CHRNA7: variants seen among roughly 807,000 people sequenced by gnomAD.
CHRNA7 encodes the protein cholinergic receptor nicotinic alpha 7 subunit.
A neutral mutation model predicts 48.0 loss-of-function variants in CHRNA7; 17 were observed. That is an observed-to-expected ratio of 0.35 (90% CI 0.24 to 0.53). The LOEUF (loss-of-function observed/expected upper bound fraction) is 0.53. CHRNA7 is among the 20% of genes least tolerant of loss of function. The pLI, the probability that CHRNA7 is intolerant of heterozygous loss-of-function variation, is 0.92. For synonymous variants in CHRNA7, 75 were observed against 242.3 expected, an observed-to-expected ratio of 0.31 and a Z score of 6.41; for missense variants, 155 against 577.7, an observed-to-expected ratio of 0.27 and a Z score of 7.50.
chr15:32,098,421 A>G (rs1235101144), intron 2 of CHRNA7, among the ~76,000 whole-genome samples: 1 of 152,076 alleles, frequency 6.6e-6, no homozygotes. Flanking sequence ...CTGCAGACCT[A>G]TTGCTGCCAG....
In CHRNA7 at chr15:32,030,887, C is replaced by T. The variant is rs201813039; in HGVS notation, c.56-11C>T. On this transcript the variant is annotated splice_polypyrimidine_tract_variant and intron_variant, in intron 1 of 9. Coordinates refer to ENST00000306901, the MANE Select transcript of CHRNA7 (RefSeq NM_000746.6). Reference sequence around the variant, plus strand: ...GCCCTGAGCCCCCTGCCCGGGTCTTCTCTCCTTAAGTGTCCCTGCAAGGCG... The same window carrying T: ...GCCCTGAGCCCCCTGCCCGGGTCTTTTCTCCTTAAGTGTCCCTGCAAGGCG... The T allele has an allele frequency of 1.1e-4, 177 of 1,613,016 alleles. No individual in the cohort carries two copies. In the Middle Eastern group the frequency reaches 1.5e-3, roughly 14 times the overall value.
At chr15:32,129,383 G>A (rs2051119425) in intron 4 of CHRNA7, among the ~76,000 whole-genome samples, 1 of 151,922 alleles carries the variant, frequency 6.6e-6, no homozygotes, top group African/African-American at 2.4e-5. Flanking sequence ...CATTCAGGAT[G>A]TGGAGATACC....
At chr15:32,047,467 CTGTT>C (rs1264902961) in intron 2 of CHRNA7, among the ~76,000 whole-genome samples, 3 of 152,058 alleles carry the variant, frequency 2.0e-5, no homozygotes, top group African/African-American at 4.8e-5. Flanking sequence ...ATTTGGCTCT[CTGTT>C]TGTCTGTTAT....
chr15:32,035,837 A>C (rs1902057265), intron 2 of CHRNA7, among the ~76,000 whole-genome samples: 1 of 152,216 alleles, frequency 6.6e-6, no homozygotes, highest in Non-Finnish European at 1.5e-5. Flanking sequence ...AGAAGAAGGT[A>C]CAGAGATTTC....
At chr15:32,132,680 GGAGA>G (rs1402989678) in intron 4 of CHRNA7, among the ~76,000 whole-genome samples, 1 of 152,066 alleles carries the variant, frequency 6.6e-6, no homozygotes, top group East Asian at 1.9e-4. Flanking sequence ...AGTGGGAGAG[GGAGA>G]GAGAGGGGCA....
intron 2 of CHRNA7, among the ~76,000 whole-genome samples, chr15:32,035,117 A>G (rs1376406427): frequency 6.6e-6 from 1 of 152,222 alleles, no homozygotes; most frequent in East Asian, 1.9e-4. Context: ...AATTATTCTT[A>G]TATGCACACA....
rs371137605 is a variant in CHRNA7 at position 32,139,849 on chromosome 15, A to G, written c.351-14058A>G. On this transcript the variant is annotated intron_variant, in intron 4 of 9. Transcript: ENST00000306901. Reference sequence around the variant, plus strand: ...TCTTTTGATCAGTATATTTTTAAAAAAGAAATTCAAAAAGGTAGGTTTACA... The same window carrying G: ...TCTTTTGATCAGTATATTTTTAAAAGAGAAATTCAAAAAGGTAGGTTTACA... Among the ~76,000 whole-genome samples the G allele has an allele frequency of 1.1e-3, 165 of 152,258 alleles. 3 individuals carry two copies. The South Asian group carries it at 0.033, about 30-fold the overall frequency.
At chr15:32,090,562 T>C (rs536047696) in intron 2 of CHRNA7, among the ~76,000 whole-genome samples, 18 of 152,306 alleles carry the variant, frequency 1.2e-4, no homozygotes, top group African/African-American at 4.3e-4. Context: ...GGCTGTGCCC[T>C]GAATTTCATG....
At chr15:32,114,061 C>CATATATATATATATATACAT (rs35944403) in intron 4 of CHRNA7, among the ~76,000 whole-genome samples, 4 of 120,206 alleles carry the variant, frequency 3.3e-5, no homozygotes, top group African/African-American at 9.8e-5. Flanking sequence ...TATATATATA[C>CATATATATATATATATACAT]ATATATATAT....
intron 2 of CHRNA7, among the ~76,000 whole-genome samples, chr15:32,068,262 T>C (rs1566816215): frequency 6.6e-6 from 1 of 152,102 alleles, no homozygotes; most frequent in Non-Finnish European, 1.5e-5. Flanking sequence ...CAGTGAACTG[T>C]GATTACACTG....
chr15:32,077,263 G>A (rs987449581), intron 2 of CHRNA7, among the ~76,000 whole-genome samples: 1 of 152,080 alleles, frequency 6.6e-6, no homozygotes, highest in Non-Finnish European at 1.5e-5. Flanking sequence ...AAACATCTGT[G>A]TATAGGTATT....
intron 2 of CHRNA7, among the ~76,000 whole-genome samples, chr15:32,068,529 A>G (rs913370904): frequency 3.9e-5 from 6 of 152,224 alleles, no homozygotes; most frequent in Non-Finnish European, 8.8e-5. Context: ...CTAGAGCTAC[A>G]GTGGCTATAC....
intron 2 of CHRNA7, among the ~76,000 whole-genome samples, chr15:32,047,057 G>A (rs2049563725): frequency 1.4e-5 from 2 of 142,974 alleles, no homozygotes; most frequent in Admixed American, 1.4e-4. Flanking sequence ...GTACCATGCT[G>A]TTTGGTTACT....
chr15:32,094,009 A>G (rs1252583036), intron 2 of CHRNA7, among the ~76,000 whole-genome samples: 1 of 152,150 alleles, frequency 6.6e-6, no homozygotes, highest in Non-Finnish European at 1.5e-5. Context: ...CTTTGGAGCA[A>G]CATCTCCAAT....
At chr15:32,080,093 G>C (rs1276130124) in intron 2 of CHRNA7, among the ~76,000 whole-genome samples, 2 of 152,166 alleles carry the variant, frequency 1.3e-5, no homozygotes, top group African/African-American at 4.8e-5. Context: ...GAACTGGCTA[G>C]CCATATGCAG....
intron 2 of CHRNA7, among the ~76,000 whole-genome samples, chr15:32,089,020 C>T (rs1595433580): frequency 6.6e-6 from 1 of 152,114 alleles, no homozygotes; most frequent in South Asian, 2.1e-4. Context: ...TATATTTAAT[C>T]CTGTCTTTTC....
chr15:32,056,316 C>G (rs2049787521), intron 2 of CHRNA7, among the ~76,000 whole-genome samples: 1 of 152,068 alleles, frequency 6.6e-6, no homozygotes, highest in African/African-American at 2.4e-5. Context: ...TGTTTTACCT[C>G]TCATGTTTGT....
At chr15:32,064,862 A>G (rs2049939963) in intron 2 of CHRNA7, among the ~76,000 whole-genome samples, 1 of 152,146 alleles carries the variant, frequency 6.6e-6, no homozygotes, top group Non-Finnish European at 1.5e-5. Flanking sequence ...ATAAAATGCT[A>G]ATATTATGCC....
intron 2 of CHRNA7, among the ~76,000 whole-genome samples, chr15:32,041,727 A>G (rs1171638014): frequency 2.6e-5 from 4 of 152,218 alleles, no homozygotes; most frequent in Non-Finnish European, 5.9e-5. Context: ...TCAGTTTTCA[A>G]AATTTCGATT....
Sources: allele counts gnomAD v4.1 joint callset (sites outside exome capture counted in the v4.1 genomes callset), GRCh38; gene constraint gnomAD v4.1.1; transcripts MANE v1.5; gene names NCBI Gene and HGNC (gene_info 2026-07-23, HGNC 2026-07-21).